The following MAMDC4 variants were observed in gnomAD, a reference collection of about 807,000 sequenced individuals.
MAMDC4 encodes the protein apical endosomal glycoprotein.
In MAMDC4, 168 loss-of-function variants were observed where a neutral mutation model predicts 153.3. The ratio of observed to expected loss-of-function variants is 1.10; its 90% CI spans 0.97 to 1.25. MAMDC4 has a LOEUF of 1.25. MAMDC4 is among the 50% of genes most tolerant of loss of function. MAMDC4 has a pLI of 0.00. For synonymous variants in MAMDC4, 744 were observed against 651.5 expected (o/e 1.14, Z -2.16); for missense variants, 1,701 against 1,542.8 (o/e 1.10, Z -1.72).
At position 136,854,543 on chromosome 9, in the gene MAMDC4, C is replaced by A; in HGVS notation, c.801C>A (p.Arg267=). 6.2e-7 allele frequency: 1 copy of A among 1,604,516 alleles called. No individual in the cohort carries two copies. Among genetic ancestry groups the A allele is most frequent in the Non-Finnish European group, 8.5e-7 (1 of 1,176,672 alleles). The change falls in exon 8 of 27, where the codon CGC becomes CGA. Residue 267 remains arginine, a synonymous_variant. Transcript: ENST00000317446. ...LSDENPLTCG[R]HIATDFETGL... ...CACGCCCACCTCCTGCCCTAGGCCG[C>A]CACATAGCCACCGACTTTGAGACAG...
chr9:136,859,362 G>A (rs765905852), intron 25 of MAMDC4, 45 bp downstream of exon 25: 3 of 1,537,750 alleles, frequency 2.0e-6, no homozygotes, highest in Non-Finnish European at 2.6e-6. Flanking sequence ...GGCCCAAGGG[G>A]CCAGCCTGGC....
rs553852620 is a variant in MAMDC4 at position 136,853,887 on chromosome 9, C to T, written c.565C>T (p.Arg189Cys). The change falls in exon 5 of 27, where the codon CGC becomes TGC. Residue 189 changes from arginine to cysteine, a missense_variant. Arg to Cys is a radical substitution (Grantham distance 180, BLOSUM62 -3). Transcript: ENST00000317446. ...GWQELAVTTG[R>C]IRGDFRVTFS... The stretch of plus-strand genomic sequence containing the variant: ...GCAGGAGTTGGCAGTGACCACAGGC[C>T]GCATCCGGGGTGACTTCCGAGTGAG... 4.2e-5 allele frequency: 67 copies of T among 1,612,564 alleles called. No individual in the cohort carries two copies. Among genetic ancestry groups the T allele is most frequent in the Non-Finnish European group, 4.2e-5 (50 of 1,179,806 alleles).
Position 136,858,764 on chromosome 9 carries a change from G to A in MAMDC4, c.2867G>A (p.Arg956Gln), listed in dbSNP as rs751880878. 8.1e-6 allele frequency: 13 copies of A among 1,610,884 alleles called. No individual in the cohort carries two copies. Among genetic ancestry groups the A allele is most frequent in the Admixed American group, 1.7e-5 (1 of 59,618 alleles). Residue 956 changes from arginine to glutamine, a missense_variant, in exon 23 of 27, where the codon CGG becomes CAG. By Grantham distance (43) the Arg-to-Gln change is conservative (BLOSUM62 1). Coordinates refer to ENST00000317446, the MANE Select transcript of MAMDC4 (RefSeq NM_206920.3). ...ACTGGCGTGCTGGGCCCCGGGGGCC[G>A]GGCCGCCTGGCTGCGCAGCGAGCCT... ...FETGVLGPGG[R>Q]AAWLRSEPLP...
chr9:136,857,674 T>C lies in MAMDC4; in HGVS notation c.2342T>C (p.Val781Ala). ...TETAQGHYMV[V>A]DTSPDALPRG... ...GCACCTCCAGGGCACTACATGGTGGTGGACACAAGCCCAGACGCACTACCC... is the reference window on the plus strand; with the variant it reads ...GCACCTCCAGGGCACTACATGGTGGCGGACACAAGCCCAGACGCACTACCC... Residue 781 changes from valine (V) to alanine (A), a missense_variant, in exon 19 of 27, where the codon GTG becomes GCG. Coordinates refer to ENST00000317446, the MANE Select transcript of MAMDC4 (RefSeq NM_206920.3). The C allele has an allele frequency of 6.2e-7, 1 of 1,612,368 alleles. No homozygotes were observed. The highest frequency in any genetic ancestry group is 2.2e-5 in the East Asian group (1 of 44,820).
rs370177629 is a variant in MAMDC4, at chr9:136,854,758, G to A, written c.935-4G>A. The A allele has an allele frequency of 3.3e-5, 54 of 1,612,570 alleles. No individual in the cohort carries two copies. In the African/African-American group the frequency reaches 4.1e-4, roughly 12 times the overall value. ...CCCTGGCCCACTCCCGTCCTTTCCC[G>A]CAGGCTCCTTCCTGGTCTCCGTGGC... On this transcript the variant is annotated splice_region_variant and splice_polypyrimidine_tract_variant and intron_variant, in intron 8 of 26. Coordinates refer to ENST00000317446, the MANE Select transcript of MAMDC4 (RefSeq NM_206920.3).
rs151125101 is a variant in MAMDC4 at position 136,858,258 on chromosome 9, G to C, written c.2656G>C (p.Gly886Arg). ...VALDDLLLQDGPCPQPGSCDF... is the reference protein window; with the variant it reads ...VALDDLLLQDRPCPQPGSCDF... ...TCTGGATGATCTGCTCCTCCAGGAC[G>C]GGCCCTGCCCTCAGCCAGGTGGGAG... The change falls in exon 21 of 27, where the codon GGG becomes CGG. Residue 886 changes from glycine to arginine, a missense_variant. By Grantham distance (125) the Gly-to-Arg change is moderately radical (BLOSUM62 -2). Coordinates refer to ENST00000317446, the MANE Select transcript of MAMDC4 (RefSeq NM_206920.3). The C allele has an allele frequency of 6.2e-6, 10 of 1,601,522 alleles. No individual in the cohort carries two copies. In the Admixed American group the frequency reaches 8.4e-5, roughly 13 times the overall value.
rs1484906425 is a variant in MAMDC4, at chr9:136,858,463, G to T, written c.2738G>T (p.Gly913Val). The T allele has an allele frequency of 1.9e-6, 3 of 1,608,736 alleles. No homozygotes were observed. The highest frequency in any genetic ancestry group is 2.7e-5 in the African/African-American group (2 of 74,920). The change falls in exon 22 of 27, where the codon GGA becomes GTA. Residue 913 changes from glycine (G) to valine (V), a missense_variant. Coordinates refer to ENST00000317446, the MANE Select transcript of MAMDC4 (RefSeq NM_206920.3). ...CACCTGGCCTGGCCCGGCCTGGGCG[G>T]ATACAGCTGGGACTGGGGCGGGGGA... Reference protein sequence around the residue: ...WSHLAWPGLGGYSWDWGGGAT... With the variant: ...WSHLAWPGLGVYSWDWGGGAT...
chr9:136,857,627 A>C lies in MAMDC4; in HGVS notation c.2327-32A>C, dbSNP rs185048107. ...AGGGGCAGGGATTGAGGGGCTGGCC[A>C]GGGGCTGGCAGGCTGATGCTGGCAC... On this transcript the variant is annotated intron_variant, in intron 18 of 26. Coordinates refer to ENST00000317446, the MANE Select transcript of MAMDC4 (RefSeq NM_206920.3). 2.7e-3 allele frequency: 4,431 copies of C among 1,611,860 alleles called. 5 individuals are homozygous for C. Among genetic ancestry groups the C allele is most frequent in the Non-Finnish European group, 3.4e-3 (3,985 of 1,179,264 alleles).
At position 136,857,224 on chromosome 9, in the gene MAMDC4, G is replaced by A; in HGVS notation, c.2032G>A (p.Gly678Ser). Residue 678 changes from glycine to serine, a missense_variant, in exon 17 of 27, where the codon GGC becomes AGC. By Grantham distance (56) the Gly-to-Ser change is moderately conservative. Coordinates refer to ENST00000317446, the MANE Select transcript of MAMDC4 (RefSeq NM_206920.3). The stretch of plus-strand genomic sequence containing the variant: ...GGAGACACACCTGTGGTCGCGGTCA[G>A]GCACCCAGGGCAACCGCTGGCACGA... ...GEETHLWSRS[G>S]TQGNRWHEAW... 6.2e-7 allele frequency: 1 copy of A among 1,610,642 alleles called. No individual in the cohort carries two copies. Among genetic ancestry groups the A allele is most frequent in the South Asian group, 1.1e-5 (1 of 90,682 alleles).
chr9:136,855,265 C>A lies in MAMDC4; in HGVS notation c.1209C>A (p.Ala403=). The change falls in exon 11 of 27, where the codon GCC becomes GCA. Residue 403 remains alanine, a synonymous_variant. Transcript: ENST00000317446. The part of the protein sequence containing the change: ...QSAYPFQILL[A]GQTGPGGVVG... The stretch of plus-strand genomic sequence containing the variant: ...CCCTCTGCCCTCAGATCCTCCTGGC[C>A]GGGCAGACAGGCCCGGGGGGCGTCG... 6.3e-7 allele frequency: 1 copy of A among 1,597,354 alleles called. No homozygotes were observed. The highest frequency in any genetic ancestry group is 8.5e-7 in the Non-Finnish European group (1 of 1,171,750).
chr9:136,852,514 AGCCTACC>A, intron 1 of MAMDC4, 52 bp downstream of exon 1: 6 of 1,590,324 alleles, frequency 3.8e-6, no homozygotes, highest in Non-Finnish European at 5.1e-6. Flanking sequence ...CTGGCTTCTG[AGCCTACC>A]ATCTGTGTGG....
Position 136,858,244 on chromosome 9 carries a change from T to C in MAMDC4, c.2642T>C (p.Leu881Pro). ...VAHSYVALDD[L>P]LLQDGPCPQP... ...CACTCCTACGTGGCTCTGGATGATC[T>C]GCTCCTCCAGGACGGGCCCTGCCCT... Residue 881 changes from leucine (L) to proline (P), a missense_variant, in exon 21 of 27, where the codon CTG (leucine) becomes CCG (proline). Transcript: ENST00000317446. The C allele has an allele frequency of 3.1e-6, 5 of 1,601,998 alleles. No individual in the cohort carries two copies. Among genetic ancestry groups the C allele is most frequent in the Non-Finnish European group, 4.2e-6 (5 of 1,178,622 alleles).
intron 5 of MAMDC4, 28 bp downstream of exon 5, chr9:136,853,935 G>A (rs759885822): frequency 2.5e-5 from 41 of 1,612,658 alleles, no homozygotes; most frequent in Non-Finnish European, 3.3e-5. Context: ...GGACGAGTGG[G>A]GGCCTTGAGG....
chr9:136,857,096 A>G, intron 16 of MAMDC4, 55 bp downstream of exon 16: 5 of 1,603,306 alleles, frequency 3.1e-6, no homozygotes, highest in Non-Finnish European at 4.3e-6. Flanking sequence ...GGGGGTTCAG[A>G]GTCCCCCGCT....
chr9:136,857,380 G>A lies in MAMDC4; in HGVS notation c.2120G>A (p.Gly707Asp). ...SHAQYQLLFE[G>D]LRDGYHGTMA... is the part of the protein sequence containing the mutation. Reference sequence around the variant, plus strand: ...CTCCACCCCCAGCTGCTGTTCGAGGGCCTCCGGGACGGATACCACGGCACC... The same window carrying A: ...CTCCACCCCCAGCTGCTGTTCGAGGACCTCCGGGACGGATACCACGGCACC... Residue 707 changes from glycine (G) to aspartate (D), a missense_variant, in exon 18 of 27, where the codon GGC (glycine) becomes GAC (aspartate). Coordinates refer to ENST00000317446, the MANE Select transcript of MAMDC4 (RefSeq NM_206920.3). 6.2e-7 allele frequency: 1 copy of A among 1,608,136 alleles called. No individual in the cohort carries two copies.
In MAMDC4 at chr9:136,855,517, T is replaced by C; in HGVS notation, c.1369T>C (p.Cys457Arg). Residue 457 changes from cysteine (C) to arginine (R), a missense_variant, in exon 12 of 27, where the codon TGC becomes CGC. Physicochemically the swap from Cys to Arg is radical, Grantham distance 180. Coordinates refer to ENST00000317446, the MANE Select transcript of MAMDC4 (RefSeq NM_206920.3). ...LPPSSRLQDS[C>R]KQGHLACGDL... ...GCCCAGCTCGCGGCTCCAGGATTCC[T>C]GCAAGCAGGGGCATCTTGCCTGCGG... The C allele has an allele frequency of 6.3e-7, 1 of 1,594,506 alleles. No homozygotes were observed. The highest frequency in any genetic ancestry group is 8.5e-7 in the Non-Finnish European group (1 of 1,170,866).
rs375329855 is a variant in MAMDC4, at chr9:136,855,372, C to T, written c.1282+34C>T. On this transcript the variant is annotated intron_variant, in intron 11 of 26. Transcript: ENST00000317446. ...GCTGACTCTGCCCTACCCTGCCTTG[C>T]CCTGGAGAGGCACAGCACTCCCCAT... is the stretch of plus-strand genomic sequence containing the variant. 1.0e-5 allele frequency: 16 copies of T among 1,599,560 alleles called. No homozygotes were observed. In the African/African-American group the frequency reaches 1.9e-4, roughly 19 times the overall value.
chr9:136,859,354 C>T, intron 25 of MAMDC4, 37 bp downstream of exon 25: 1 of 1,559,830 alleles, frequency 6.4e-7, no homozygotes, highest in East Asian at 2.3e-5. Context: ...CGGAGGAGGG[C>T]CCAAGGGGCC....
intron 1 of MAMDC4, 122 bp from the exon 2 acceptor site, chr9:136,852,980 C>T (rs953582618): frequency 3.8e-6 from 3 of 791,072 alleles, no homozygotes; most frequent in Middle Eastern, 3.7e-4. Flanking sequence ...CCTGCTCCAT[C>T]TCCTGGTCTG....
Sources: allele counts gnomAD v4.1 joint callset, GRCh38; gene constraint gnomAD v4.1.1; transcripts MANE v1.5; gene names NCBI Gene and HGNC (gene_info 2026-07-23, HGNC 2026-07-21).